Variants in ULK4 observed in about 807,000 individuals in gnomAD.
The protein encoded by ULK4 is inactive serine/threonine-protein kinase ULK4.
A neutral mutation model predicts 160.6 loss-of-function variants in ULK4; 133 were observed. The ratio of observed to expected loss-of-function variants is 0.83; its 90% confidence interval spans 0.72 to 0.96. The LOEUF (loss-of-function observed/expected upper bound fraction) is 0.96, where lower values mean the gene tolerates loss of function less well. Ranked by LOEUF, ULK4 falls within the 40% of genes least tolerant of loss-of-function variation. ULK4 has a pLI of 0.00. For synonymous variants in ULK4, 534 were observed against 539.8 expected, an observed-to-expected ratio of 0.99 and a Z score of 0.15; for missense variants, 1,580 against 1,499.5, an observed-to-expected ratio of 1.05 and a Z score of -0.89.
intron 18 of ULK4, among the ~76,000 whole-genome samples, chr3:41,829,479 G>T (rs182702766): frequency 0.25 from 37,624 of 150,308 alleles, 5,967 homozygotes; most frequent in African/African-American, 0.45. Flanking sequence ...CAACAAGTGG[G>T]TGAAGGATAT....
chr3:41,717,872 G>C lies in ULK4; in HGVS notation c.2322-11C>G. ...ATGTACATCACCAGTCTACATACAG[G>C]AAAGTGCAAAGATTACCTCTCATGA... On this transcript the variant is annotated splice_polypyrimidine_tract_variant and intron_variant, in intron 22 of 36. Transcript: ENST00000301831. 1 of 1,613,048 alleles carries C rather than the reference G, an allele frequency of 6.2e-7. No homozygotes were observed. Among genetic ancestry groups the C allele is most frequent in the Non-Finnish European group, 8.5e-7 (1 of 1,179,294 alleles).
Position 41,470,036 on chromosome 3 carries a change from A to C in ULK4, c.3227-6783T>G, listed in dbSNP as rs917997586. On this transcript the variant is annotated intron_variant, in intron 32 of 36. Transcript: ENST00000301831. ...CAGAACAGAAAAAAAAAAAAAAAAA[A>C]AAAAAAAAAACAAAGTATTTTTAAA... Among the ~76,000 whole-genome samples the C allele has an allele frequency of 6.7e-5, 10 of 148,820 alleles. 1 individual carries two copies. The highest frequency in any genetic ancestry group is 1.9e-4 in the East Asian group (1 of 5,134).
intron 29 of ULK4, among the ~76,000 whole-genome samples, chr3:41,674,431 T>C (rs1258034339): frequency 6.6e-6 from 1 of 152,222 alleles, no homozygotes; most frequent in Non-Finnish European, 1.5e-5. Context: ...TTAAATCTTG[T>C]CTCTCAGCTG....
chr3:41,554,456 A>G (rs2087207675), intron 32 of ULK4, among the ~76,000 whole-genome samples: 1 of 152,188 alleles, frequency 6.6e-6, no homozygotes, highest in Non-Finnish European at 1.5e-5. Context: ...CCAGGCACAG[A>G]AAGACAAGTA....
chr3:41,631,475 A>C (rs556285017), intron 30 of ULK4, among the ~76,000 whole-genome samples: 5 of 152,218 alleles, frequency 3.3e-5, no homozygotes, highest in Admixed American at 1.3e-4. Flanking sequence ...CTAGTAATAT[A>C]TCTCTGATTT....
chr3:41,417,767 C>A (rs775722956), intron 34 of ULK4, among the ~76,000 whole-genome samples: 1 of 152,126 alleles, frequency 6.6e-6, no homozygotes, highest in South Asian at 2.1e-4. Context: ...TGACTATGGA[C>A]AGTCATATGG....
chr3:41,941,778 A>AAAAAAG (rs534674849), intron 2 of ULK4, among the ~76,000 whole-genome samples: 1 of 148,184 alleles, frequency 6.7e-6, no homozygotes, highest in East Asian at 2.0e-4. Context: ...AAAAAAAAAA[A>AAAAAAG]AGAGAAAGAA....
rs190109575 is a variant in ULK4, at chr3:41,784,709, T to C, written c.2193+4952A>G. Among the ~76,000 whole-genome samples the C allele has an allele frequency of 5.3e-5, 8 of 152,276 alleles. No individual in the cohort carries two copies. The East Asian group carries it at 1.5e-3, about 29-fold the overall frequency. On this transcript the variant is annotated intron_variant, in intron 21 of 36. Coordinates refer to ENST00000301831, the MANE Select transcript of ULK4 (RefSeq NM_017886.4). The stretch of plus-strand genomic sequence containing the variant: ...CCAAATAGCTGCTGAATAATAACCA[T>C]CTAAGGACACTGACACCCAAGTAGC...
chr3:41,774,137 A>T (rs1210042507), intron 21 of ULK4, among the ~76,000 whole-genome samples: 1 of 152,198 alleles, frequency 6.6e-6, no homozygotes, highest in Non-Finnish European at 1.5e-5. Flanking sequence ...AAACCTAGGC[A>T]TTACCATTCA....
chr3:41,384,523 C>T (rs2081754068), intron 35 of ULK4, among the ~76,000 whole-genome samples: 1 of 152,120 alleles, frequency 6.6e-6, no homozygotes. Context: ...AATCCTGTTT[C>T]TATTTTTCTG....
chr3:41,463,888 A>T (rs1463927403), intron 32 of ULK4, among the ~76,000 whole-genome samples: 1 of 152,098 alleles, frequency 6.6e-6, no homozygotes, highest in Non-Finnish European at 1.5e-5. Flanking sequence ...ATCCTATTAT[A>T]TAGTGTTAAC....
At chr3:41,901,478 C>CTTTTTTTT (rs1305478036) in intron 12 of ULK4, among the ~76,000 whole-genome samples, 1 of 22,946 alleles carries the variant, frequency 4.4e-5, no homozygotes, top group Non-Finnish European at 3.1e-4. Context: ...CCACGCCCAG[C>CTTTTTTTT]CTTTTTTTTT....
At chr3:41,541,570 C>A (rs1288574311) in intron 32 of ULK4, among the ~76,000 whole-genome samples, 1 of 152,110 alleles carries the variant, frequency 6.6e-6, no homozygotes, top group Non-Finnish European at 1.5e-5. Context: ...TGAAAAAAGT[C>A]AATGGTAGCT....
chr3:41,446,688 G>A (rs1442851069), intron 34 of ULK4, among the ~76,000 whole-genome samples: 22 of 140,502 alleles, frequency 1.6e-4, no homozygotes, highest in African/African-American at 5.9e-4. Flanking sequence ...GAGAACACAT[G>A]GACACAGGAA....
At chr3:41,522,266 T>A (rs2085958284) in intron 32 of ULK4, among the ~76,000 whole-genome samples, 1 of 151,690 alleles carries the variant, frequency 6.6e-6, no homozygotes, top group Admixed American at 6.6e-5. Context: ...TGTAATCTCA[T>A]GCAGTTGGGA....
intron 29 of ULK4, among the ~76,000 whole-genome samples, chr3:41,670,640 CT>C (rs1559474716): frequency 6.6e-6 from 1 of 151,746 alleles, no homozygotes; most frequent in African/African-American, 2.4e-5. Context: ...CATACACACA[CT>C]TTTTTAAGTA....
intron 16 of ULK4, among the ~76,000 whole-genome samples, chr3:41,895,153 T>C (rs774158952): frequency 6.6e-6 from 1 of 152,174 alleles, no homozygotes; most frequent in Non-Finnish European, 1.5e-5. Flanking sequence ...CTCACACCTG[T>C]AATCCTAACA....
chr3:41,769,893 G>A (rs983572308), intron 21 of ULK4, among the ~76,000 whole-genome samples: 3 of 152,096 alleles, frequency 2.0e-5, no homozygotes, highest in African/African-American at 7.2e-5. Context: ...AATATGTATA[G>A]CCTGGCCATC....
chr3:41,661,054 T>A (rs1229458808), intron 30 of ULK4, among the ~76,000 whole-genome samples: 1 of 152,214 alleles, frequency 6.6e-6, no homozygotes, highest in Non-Finnish European at 1.5e-5. Context: ...TAGTAGAATT[T>A]TATTTGTGTA....
Sources: gnomAD v4.1 joint callset for allele counts (sites outside exome capture counted in the v4.1 genomes callset) on GRCh38, gnomAD v4.1.1 for gene constraint, MANE v1.5 for transcripts, NCBI Gene and HGNC (gene_info 2026-07-23, HGNC 2026-07-21) for gene names.